The following KCNK5 variants were observed in gnomAD, a reference collection of about 807,000 sequenced individuals.
KCNK5 encodes the protein potassium two pore domain channel subfamily K member 5.
In KCNK5, 18 loss-of-function variants were observed where a neutral mutation model predicts 32.9. The observed-to-expected ratio is 0.55, with a 90% CI of 0.38 to 0.81. KCNK5 has a LOEUF of 0.81. KCNK5 is among the 30% of genes least tolerant of loss of function. The probability of loss-of-function intolerance (pLI) is 0.00; values close to 1 mark genes in which losing one functional copy is unlikely to be tolerated. For missense variants in KCNK5, 507 were observed against 651.0 expected, an observed-to-expected ratio of 0.78 and a Z score of 2.41; for synonymous variants, 276 against 275.3, an observed-to-expected ratio of 1.00 and a Z score of -0.03.
At position 39,217,118 on chromosome 6, in the gene KCNK5, C is replaced by CAAAAAAAAAAAA. The variant is rs57204833; in HGVS notation, c.186+11796_186+11807dup. Among the ~76,000 whole-genome samples the CAAAAAAAAAAAA allele has an allele frequency of 1.5e-3, 108 of 74,382 alleles. 1 individual carries two copies. The highest frequency in any genetic ancestry group is 3.1e-3 in the African/African-American group (68 of 21,904). 48.8% of individuals were successfully genotyped at this position (74,382 alleles called of 152,430 possible). ...CTGGGCAACAAGAGCAAAACTCCAT[C>CAAAAAAAAAAAA]AAAAAAAAAAAAAAAAAAAAAAAAA... is the stretch of plus-strand genomic sequence containing the variant. On this transcript the variant is annotated intron_variant, in intron 1 of 4. Transcript: ENST00000359534.
intron 1 of KCNK5, among the ~76,000 whole-genome samples, chr6:39,211,198 G>A (rs1771331769): frequency 6.6e-6 from 1 of 152,262 alleles, no homozygotes; most frequent in African/African-American, 2.4e-5. Context: ...GTGCTTCCCC[G>A]CAGAGTGGGG....
intron 1 of KCNK5, among the ~76,000 whole-genome samples, chr6:39,200,983 A>C (rs1213163084): frequency 6.6e-6 from 1 of 152,208 alleles, no homozygotes. Flanking sequence ...AAGGGAAACC[A>C]AAGTCAAGAT....
At chr6:39,226,909 A>C (rs1771682337) in intron 1 of KCNK5, among the ~76,000 whole-genome samples, 1 of 152,204 alleles carries the variant, frequency 6.6e-6, no homozygotes, top group South Asian at 2.1e-4. Context: ...AATAGCCTCC[A>C]AAGCAGACTG....
At chr6:39,214,899 C>A (rs1771406026) in intron 1 of KCNK5, among the ~76,000 whole-genome samples, 1 of 152,236 alleles carries the variant, frequency 6.6e-6, no homozygotes, top group Admixed American at 6.5e-5. Context: ...GATACCTTCC[C>A]ACCAACCCCA....
Position 39,222,961 on chromosome 6 carries a change from A to G in KCNK5, c.186+5965T>C, listed in dbSNP as rs544340775. Among the ~76,000 whole-genome samples the G allele has an allele frequency of 6.6e-5, 10 of 152,326 alleles. 2 individuals carry two copies. The South Asian group carries it at 1.9e-3, about 28-fold the overall frequency. On this transcript the variant is annotated intron_variant, in intron 1 of 4. Transcript: ENST00000359534. ...AAAAGCTCTGGAGATCTGTTTCATAATGGTAAATATACTTAACACTACTGA... is the reference window on the plus strand; with the variant it reads ...AAAAGCTCTGGAGATCTGTTTCATAGTGGTAAATATACTTAACACTACTGA...
intron 1 of KCNK5, among the ~76,000 whole-genome samples, chr6:39,228,353 T>C (rs894515660): frequency 1.3e-5 from 2 of 152,136 alleles, no homozygotes; most frequent in Non-Finnish European, 2.9e-5. Flanking sequence ...GCACCAGCCC[T>C]CATCCCGTGG....
chr6:39,194,658 C>T lies in KCNK5; in HGVS notation c.401G>A (p.Gly134Asp), dbSNP rs1157138712. ...CTTGGCACGTCCCCCGAAGAACTTG[C>T]CCAGGGCACTGATCCACGTCAGGCA... ...PLCLTWISAL[G>D]KFFGGRAKRL... Residue 134 changes from glycine (G) to aspartate (D), a missense_variant, in exon 3 of 5, where the codon GGC becomes GAC. Physicochemically the swap from Gly to Asp is moderately conservative, Grantham distance 94. Coordinates refer to ENST00000359534, the MANE Select transcript of KCNK5 (RefSeq NM_003740.4). This position sits in a 1 kb window ranked among gnomAD's most constrained non-coding sequence, Gnocchi z 4.7. The T allele has an allele frequency of 6.2e-7, 1 of 1,614,010 alleles. No homozygotes were observed. Among genetic ancestry groups the T allele is most frequent in the African/African-American group, 1.3e-5 (1 of 74,906 alleles).
At chr6:39,223,530 T>C (rs1331006536) in intron 1 of KCNK5, among the ~76,000 whole-genome samples, 1 of 152,248 alleles carries the variant, frequency 6.6e-6, no homozygotes, top group Non-Finnish European at 1.5e-5. Flanking sequence ...TGTGCTTTCC[T>C]ATGGTCTCCT....
chr6:39,213,579 A>G (rs1486334683), intron 1 of KCNK5, among the ~76,000 whole-genome samples: 2 of 152,140 alleles, frequency 1.3e-5, no homozygotes, highest in Non-Finnish European at 2.9e-5. Flanking sequence ...AGAGCCCACC[A>G]GTTCAATAAG....
At chr6:39,226,983 A>C (rs566317540) in intron 1 of KCNK5, among the ~76,000 whole-genome samples, 19 of 152,084 alleles carry the variant, frequency 1.2e-4, no homozygotes, top group African/African-American at 4.1e-4. Flanking sequence ...GTAGGGGGGT[A>C]AATGTTGACA....
At chr6:39,211,084 G>T (rs1429370902) in intron 1 of KCNK5, among the ~76,000 whole-genome samples, 1 of 152,000 alleles carries the variant, frequency 6.6e-6, no homozygotes, top group Non-Finnish European at 1.5e-5. Flanking sequence ...TTCTAGATTT[G>T]TGGTGGGAAG....
chr6:39,209,951 G>C (rs886736183), intron 1 of KCNK5, among the ~76,000 whole-genome samples: 1 of 152,224 alleles, frequency 6.6e-6, no homozygotes. Context: ...GAGCAGGAAG[G>C]CTGGTGCATA....
chr6:39,192,306 A>AAC (rs5875662), intron 4 of KCNK5, among the ~76,000 whole-genome samples: 1 of 151,378 alleles, frequency 6.6e-6, no homozygotes, highest in Non-Finnish European at 1.5e-5. Context: ...AAAAAAAAAA[A>AAC]AAGTCAAGAC....
In KCNK5 at chr6:39,222,945, G is replaced by C. The variant is rs139989464; in HGVS notation, c.186+5981C>G. 1.7e-3 allele frequency among the ~76,000 whole-genome samples: 263 copies of C among 152,308 alleles called. 1 individual carries two copies. Among genetic ancestry groups the C allele is most frequent in the Non-Finnish European group, 3.0e-3 (205 of 68,030 alleles). Reference sequence around the variant, plus strand: ...CAGTTTTGCAAAATGAAAAAGCTCTGGAGATCTGTTTCATAATGGTAAATA... The same window carrying C: ...CAGTTTTGCAAAATGAAAAAGCTCTCGAGATCTGTTTCATAATGGTAAATA... On this transcript the variant is annotated intron_variant, in intron 1 of 4. Coordinates refer to ENST00000359534, the MANE Select transcript of KCNK5 (RefSeq NM_003740.4).
At position 39,201,253 on chromosome 6, in the gene KCNK5, C is replaced by CT. The variant is rs11291715; in HGVS notation, c.187-5267dup. 8.8e-3 allele frequency among the ~76,000 whole-genome samples: 1,247 copies of CT among 141,326 alleles called. 17 individuals are homozygous for CT. The highest frequency in any genetic ancestry group is 0.025 in the African/African-American group (965 of 38,302). 92.7% of individuals were successfully genotyped at this position (141,326 alleles called of 152,430 possible). ...CCAGCTGCATCAATTCTTTTTTCTT[C>CT]TTTTTTTTTTTTTTTGCGATGAGAG... On this transcript the variant is annotated intron_variant, in intron 1 of 4. Coordinates refer to ENST00000359534, the MANE Select transcript of KCNK5 (RefSeq NM_003740.4).
At chr6:39,205,976 C>T (rs1348702759) in intron 1 of KCNK5, among the ~76,000 whole-genome samples, 3 of 152,202 alleles carry the variant, frequency 2.0e-5, no homozygotes, top group East Asian at 1.9e-4. Context: ...TCATCAAGCA[C>T]CTCTCACACC....
chr6:39,220,120 C>A (rs979900810), intron 1 of KCNK5, among the ~76,000 whole-genome samples: 3 of 152,314 alleles, frequency 2.0e-5, no homozygotes, highest in Non-Finnish European at 2.9e-5. Context: ...GTGTGGCCAA[C>A]AAGGCCCCTG....
chr6:39,228,802 A>T (rs1771716573), intron 1 of KCNK5, 124 bp downstream of exon 1: 1 of 915,718 alleles, frequency 1.1e-6, no homozygotes, highest in Non-Finnish European at 1.7e-6. Context: ...ACGCTCTCTC[A>T]TCACCCCCTG....
intron 1 of KCNK5, among the ~76,000 whole-genome samples, chr6:39,222,974 T>C (rs1314986628): frequency 6.6e-6 from 1 of 152,230 alleles, no homozygotes; most frequent in Non-Finnish European, 1.5e-5. Context: ...GTAAATATAC[T>C]TAACACTACT....
Sources: allele counts gnomAD v4.1 joint callset (sites outside exome capture counted in the v4.1 genomes callset), GRCh38; gene constraint gnomAD v4.1.1; non-coding constraint Gnocchi (gnomAD v3.1); transcripts MANE v1.5; gene names NCBI Gene and HGNC (gene_info 2026-07-23, HGNC 2026-07-21).